The following NHS variants were observed in gnomAD, a reference collection of about 807,000 sequenced individuals.
NHS encodes actin remodeling regulator NHS.
Under a neutral mutation model 72.5 loss-of-function variants are expected in NHS, and 5 were observed. The observed-to-expected ratio is 0.07, with a 90% CI of 0.04 to 0.14. NHS has a LOEUF of 0.14. Among genes scored for constraint, NHS ranks in the 10% least tolerant of loss-of-function variants. The pLI, the probability that NHS is intolerant of heterozygous loss-of-function variation, is 1.00. For synonymous variants in NHS, 464 were observed against 547.7 expected, an observed-to-expected ratio of 0.85 and a Z score of 2.13; for missense variants, 1,072 against 1,355.7, an observed-to-expected ratio of 0.79 and a Z score of 3.29.
intron 1 of NHS, among the ~76,000 whole-genome samples, chrX:17,513,778 A>G (rs764431141): frequency 8.9e-6 from 1 of 112,369 alleles, no homozygotes; most frequent in Admixed American, 9.4e-5. Context: ...CTACTGCCTA[A>G]GTAAGTAGAG....
chrX:17,411,244 G>A lies in NHS; in HGVS notation c.565+34922G>A, dbSNP rs1233463867. On this transcript the variant is annotated intron_variant, in intron 1 of 8. Coordinates refer to ENST00000676302, the MANE Select transcript of NHS (RefSeq NM_001291867.2). The stretch of plus-strand genomic sequence containing the variant: ...TTAGAAATCTTGTCAATAAAATGAA[G>A]CCTAGTAATATGGATTTCTTACGTA... Among the ~76,000 whole-genome samples the A allele has an allele frequency of 2.7e-5, 3 of 111,973 alleles. No individual in the cohort carries two copies. In the East Asian group the frequency reaches 8.3e-4, roughly 31 times the overall value.
intron 1 of NHS, among the ~76,000 whole-genome samples, chrX:17,660,682 A>G (rs1373097436): frequency 6.3e-5 from 7 of 111,974 alleles, no homozygotes; most frequent in African/African-American, 2.3e-4. Flanking sequence ...GGGTAACTGG[A>G]TTTCTTACCT....
chrX:17,589,201 C>T (rs12559701), intron 1 of NHS, among the ~76,000 whole-genome samples: 42,825 of 110,130 alleles, frequency 0.39, 6,083 homozygotes, highest in East Asian at 0.68. Flanking sequence ...GAACAGGTGG[C>T]ATTTGGTTAC....
chrX:17,691,258 T>G lies in NHS; in HGVS notation c.719-1077T>G, dbSNP rs747431537. On this transcript the variant is annotated intron_variant, in intron 2 of 8. Transcript: ENST00000676302. ...TGACTCTTCTGTACGGATTTAAGAATGTAAACACTTTTCCTTGTGTTACCC... is the reference window on the plus strand; with the variant it reads ...TGACTCTTCTGTACGGATTTAAGAAGGTAAACACTTTTCCTTGTGTTACCC... Among the ~76,000 whole-genome samples the G allele has an allele frequency of 1.6e-4, 18 of 112,349 alleles. No homozygotes were observed. In the Middle Eastern group the frequency reaches 0.014, roughly 87 times the overall value.
chrX:17,728,435 C>T lies in NHS; in HGVS notation c.4222+107C>T, dbSNP rs1438551756. ...GGTACAGCCCTGGGTGTTGGTTTCC[C>T]TCCACTATTTCTTTGCACTTATTAA... is the stretch of plus-strand genomic sequence containing the variant. On this transcript the variant is annotated intron_variant, in intron 7 of 8. Transcript: ENST00000676302. The T allele has an allele frequency of 5.6e-6, 5 of 894,947 alleles. No homozygotes were observed. The African/African-American group carries it at 9.9e-5, about 18-fold the overall frequency. 73.8% of individuals were successfully genotyped at this position (894,947 alleles called of 1,213,427 possible).
intron 1 of NHS, among the ~76,000 whole-genome samples, chrX:17,671,066 G>A (rs2066042215): frequency 9.0e-6 from 1 of 111,683 alleles, no homozygotes; most frequent in South Asian, 3.8e-4. Flanking sequence ...TCTGAGCATG[G>A]GCTGGGCCAC....
chrX:17,446,046 C>T (rs1250696118), intron 1 of NHS, among the ~76,000 whole-genome samples: 1 of 110,303 alleles, frequency 9.1e-6, no homozygotes, highest in Non-Finnish European at 1.9e-5. Context: ...TCATCCAAAA[C>T]CGTATCCAGG....
chrX:17,396,703 T>A (rs1174489175), intron 1 of NHS, among the ~76,000 whole-genome samples: 1 of 112,005 alleles, frequency 8.9e-6, no homozygotes. Context: ...CCTACTCTGC[T>A]CTACAGTTAT....
rs1211794616 is a variant in NHS, at chrX:17,674,157, C to G, written c.566-13585C>G. Among the ~76,000 whole-genome samples, 3 of 111,789 alleles carry G rather than the reference C, an allele frequency of 2.7e-5. No homozygotes were observed. The Admixed American group carries it at 2.8e-4, about 11-fold the overall frequency. On this transcript the variant is annotated intron_variant, in intron 1 of 8. Coordinates refer to ENST00000676302, the MANE Select transcript of NHS (RefSeq NM_001291867.2). ...CCAGTACACTCGGAGGGATTGGGGT[C>G]AAGCTTTGCTGATGATCCTCCGCAC...
At chrX:17,427,049 G>C (rs1245819459) in intron 1 of NHS, among the ~76,000 whole-genome samples, 1 of 112,100 alleles carries the variant, frequency 8.9e-6, no homozygotes, top group Non-Finnish European at 1.9e-5. Context: ...GCTCGGCCTG[G>C]CTGACCTGCT....
At position 17,405,593 on chromosome X, in the gene NHS, T is replaced by G. The variant is rs532765018; in HGVS notation, c.565+29271T>G. On this transcript the variant is annotated intron_variant, in intron 1 of 8. Coordinates refer to ENST00000676302, the MANE Select transcript of NHS (RefSeq NM_001291867.2). ...GAGTCCAGCTCCCAGTGAGGTGCTT[T>G]CCTTCAAATCCAACAGGGAAAGAGA... 2.8e-4 allele frequency among the ~76,000 whole-genome samples: 32 copies of G among 112,370 alleles called. 1 individual carries two copies. In the South Asian group the frequency reaches 0.011, roughly 38 times the overall value.
At chrX:17,630,492 G>C (rs934253272) in intron 1 of NHS, among the ~76,000 whole-genome samples, 3 of 109,623 alleles carry the variant, frequency 2.7e-5, no homozygotes, top group African/African-American at 1.0e-4. Context: ...AGTGTTGGCT[G>C]CTAAATGCTA....
At chrX:17,728,409 C>T (rs151220684) in intron 7 of NHS, 81 bp downstream of exon 7, 780 of 939,603 alleles carry the variant, frequency 8.3e-4, no homozygotes, top group Non-Finnish European at 1.1e-3. Context: ...CCCAATAATA[C>T]GGTACAGCCC....
At chrX:17,414,927 G>A (rs1436876720) in intron 1 of NHS, among the ~76,000 whole-genome samples, 12 of 111,388 alleles carry the variant, frequency 1.1e-4, no homozygotes, top group Non-Finnish European at 1.7e-4. Context: ...AGGACAGAAA[G>A]GCAGAAGAGA....
At chrX:17,563,740 G>C (rs1337020630) in intron 1 of NHS, among the ~76,000 whole-genome samples, 1 of 109,325 alleles carries the variant, frequency 9.1e-6, no homozygotes, top group Non-Finnish European at 1.9e-5. Context: ...TGAATGGAAA[G>C]CCAGAAAGGA....
intron 1 of NHS, among the ~76,000 whole-genome samples, chrX:17,581,208 A>G (rs1034818368): frequency 8.9e-6 from 1 of 111,995 alleles, no homozygotes; most frequent in Non-Finnish European, 1.9e-5. Flanking sequence ...GTGAGAGGAC[A>G]GGGCTCAGGT....
chrX:17,478,495 C>T (rs376313156), intron 1 of NHS, among the ~76,000 whole-genome samples: 1 of 111,749 alleles, frequency 8.9e-6, no homozygotes. Context: ...ATAGAGTTCT[C>T]GTTCTATGCT....
At chrX:17,415,837 C>A (rs1411923853) in intron 1 of NHS, among the ~76,000 whole-genome samples, 1 of 111,586 alleles carries the variant, frequency 9.0e-6, no homozygotes, top group Non-Finnish European at 1.9e-5. Flanking sequence ...TTTTTGACCA[C>A]AAGCATAAAA....
rs192366829 is a variant in NHS, at chrX:17,412,077, T to C, written c.565+35755T>C. 1.4e-3 allele frequency among the ~76,000 whole-genome samples: 151 copies of C among 110,701 alleles called. 1 individual carries two copies. The highest frequency in any genetic ancestry group is 4.6e-3 in the African/African-American group (139 of 30,510). ...AGAATGATGGTAAATGTCATTATGG[T>C]GTTAAGTGTATCTTTTCATATGAAA... is the stretch of plus-strand genomic sequence containing the variant. On this transcript the variant is annotated intron_variant, in intron 1 of 8. Transcript: ENST00000676302.
Sources: gnomAD v4.1 joint callset for allele counts (sites outside exome capture counted in the v4.1 genomes callset) on GRCh38, gnomAD v4.1.1 for gene constraint, MANE v1.5 for transcripts, NCBI Gene and HGNC (gene_info 2026-07-23, HGNC 2026-07-21) for gene names.